The following ORC1 variants were observed in gnomAD, a reference collection of about 807,000 sequenced individuals.
ORC1 encodes origin recognition complex, subunit 1 homolog.
ORC1 carries 61 observed loss-of-function variants against 98.9 expected under a neutral mutation model. That is an observed-to-expected ratio of 0.62 (90% CI 0.50 to 0.76). The LOEUF (loss-of-function observed/expected upper bound fraction) is 0.76, where lower values mean the gene tolerates loss of function less well. ORC1 is among the 30% of genes least tolerant of loss of function. The pLI, the probability that ORC1 is intolerant of heterozygous loss-of-function variation, is 0.00. For synonymous variants in ORC1, 385 were observed against 406.9 expected, an observed-to-expected ratio of 0.95 and a Z score of 0.65; for missense variants, 979 against 1,072.2, an observed-to-expected ratio of 0.91 and a Z score of 1.21.
intron 13 of ORC1, among the ~76,000 whole-genome samples, chr1:52,383,047 A>G: frequency 6.6e-6 from 1 of 151,844 alleles, no homozygotes; most frequent in East Asian, 1.9e-4. Context: ...TAACATCCCA[A>G]TTTATTTTAG....
chr1:52,373,673 A>G (rs1295431566), intron 16 of ORC1, among the ~76,000 whole-genome samples: 1 of 152,246 alleles, frequency 6.6e-6, no homozygotes, highest in Non-Finnish European at 1.5e-5. Context: ...TACACTGTAC[A>G]TCCCTTGTGA....
At position 52,398,412 on chromosome 1, in the gene ORC1, T is replaced by C. The variant is rs1432589556; in HGVS notation, c.224-549A>G. On this transcript the variant is annotated intron_variant, in intron 3 of 16. Transcript: ENST00000371568. ...CCGAGTAGCTGGGACCACAGGCCTG[T>C]GCCACCACGCCTGGCTAATTTTTAT... 2.6e-5 allele frequency among the ~76,000 whole-genome samples: 4 copies of C among 151,340 alleles called. No individual in the cohort carries two copies. In the East Asian group the frequency reaches 7.8e-4, roughly 29 times the overall value.
upstream of ORC1, chr1:52,404,608 C>A: frequency 3.6e-6 from 3 of 825,154 alleles, no homozygotes; most frequent in Non-Finnish European, 5.6e-6. Flanking sequence ...CTTTACACTA[C>A]GGTGTTTCCG....
intron 13 of ORC1, among the ~76,000 whole-genome samples, chr1:52,382,080 G>A (rs1430380660): frequency 2.6e-5 from 4 of 152,020 alleles, no homozygotes; most frequent in South Asian, 2.1e-4. Context: ...CTGGGTTCAC[G>A]TCATTCTCCT....
rs1385792341 is a variant in ORC1 at position 52,402,207 on chromosome 1, G to A, written c.17C>T (p.Thr6Ile). 1 of 1,614,026 alleles carries A rather than the reference G, an allele frequency of 6.2e-7. No homozygotes were observed. The highest frequency in any genetic ancestry group is 8.5e-7 in the Non-Finnish European group (1 of 1,179,990). MAHYP[T>I]RLKTRKTYSW... ...ATAAGTTTTTCTGGTCTTCAGCCTT[G>A]TGGGGTAGTGTGCCATGGCTTCTGT... Residue 6 changes from threonine (T) to isoleucine (I), a missense_variant, in exon 2 of 17, where the codon ACA becomes ATA. Thr to Ile is a moderately conservative substitution (Grantham distance 89, BLOSUM62 -1). Transcript: ENST00000371568.
At chr1:52,376,024 CA>C (rs1203183993) in intron 14 of ORC1, among the ~76,000 whole-genome samples, 1 of 152,148 alleles carries the variant, frequency 6.6e-6, no homozygotes, top group African/African-American at 2.4e-5. Flanking sequence ...CCCCTTACAG[CA>C]CGTGGTGAAT....
intron 2 of ORC1, 27 bp from the exon 3 acceptor site, chr1:52,401,516 G>A: frequency 6.2e-7 from 1 of 1,613,220 alleles, no homozygotes; most frequent in Non-Finnish European, 8.5e-7. Flanking sequence ...AAGCACATTA[G>A]GAAATAACTT....
chr1:52,402,577 A>G (rs1273706556), intron 1 of ORC1, among the ~76,000 whole-genome samples: 2 of 152,264 alleles, frequency 1.3e-5, no homozygotes, highest in Non-Finnish European at 2.9e-5. Context: ...TGAAATTAAA[A>G]GACAGTGATA....
upstream of ORC1, among the ~76,000 whole-genome samples, chr1:52,406,998 T>C (rs1271450913): frequency 3.3e-5 from 5 of 152,228 alleles, no homozygotes; most frequent in East Asian, 3.9e-4. Flanking sequence ...TAGTTAGATA[T>C]AGGAAAAAGG....
intron 14 of ORC1, among the ~76,000 whole-genome samples, chr1:52,377,716 A>C (rs966468307): frequency 2.0e-5 from 3 of 151,624 alleles, no homozygotes; most frequent in African/African-American, 7.3e-5. Flanking sequence ...AAAAAAAAAA[A>C]AAAAAAAACA....
At chr1:52,397,485 T>C (rs996689751) in intron 4 of ORC1, among the ~76,000 whole-genome samples, 200 bp downstream of exon 4, 5 of 152,194 alleles carry the variant, frequency 3.3e-5, no homozygotes, top group African/African-American at 1.2e-4. Flanking sequence ...TGTCACCTCT[T>C]GTAGGAGGCT....
chr1:52,405,893 A>T, upstream of ORC1: 1 of 1,529,650 alleles, frequency 6.5e-7, no homozygotes, highest in Non-Finnish European at 9.0e-7. Context: ...GCGGTTTAGA[A>T]TTGGGCTTTG....
intron 11 of ORC1, 112 bp downstream of exon 11, chr1:52,384,438 A>G: frequency 1.0e-6 from 1 of 969,810 alleles, no homozygotes; most frequent in South Asian, 1.3e-5. Flanking sequence ...CAGAAAGGAC[A>G]ATGCCTGGTA....
Position 52,396,132 on chromosome 1 carries a change from A to C in ORC1, c.635T>G (p.Ile212Ser). 3.1e-6 allele frequency: 5 copies of C among 1,613,962 alleles called. No homozygotes were observed. The highest frequency in any genetic ancestry group is 3.4e-6 in the Non-Finnish European group (4 of 1,180,004). ...TTTGGAGGCGGAGTGCCTTGATTCAATCCTTTTGGCCACATGTTCTGCTGG... is the reference window on the plus strand; with the variant it reads ...TTTGGAGGCGGAGTGCCTTGATTCACTCCTTTTGGCCACATGTTCTGCTGG... ...WTPAEHVAKR[I>S]ESRHSASKSR... is the part of the protein sequence containing the mutation. Residue 212 changes from isoleucine (I) to serine (S), a missense_variant, in exon 5 of 17, where the codon ATT (isoleucine) becomes AGT (serine). Ile to Ser is a moderately radical substitution (Grantham distance 142). Coordinates refer to ENST00000371568, the MANE Select transcript of ORC1 (RefSeq NM_004153.4).
At chr1:52,378,207 G>A (rs1249834745) in intron 14 of ORC1, among the ~76,000 whole-genome samples, 1 of 152,018 alleles carries the variant, frequency 6.6e-6, no homozygotes. Flanking sequence ...TTAGCTGGGC[G>A]TGGTGGCACA....
At position 52,373,020 on chromosome 1, in the gene ORC1, C is replaced by T; in HGVS notation, c.*161G>A. The T allele has an allele frequency of 1.3e-6, 1 of 775,762 alleles. No homozygotes were observed. Among genetic ancestry groups the T allele is most frequent in the Non-Finnish European group, 2.3e-6 (1 of 440,358 alleles). 48.1% of individuals were successfully genotyped at this position (775,762 alleles called of 1,614,324 possible). A position where few individuals can be genotyped will look rare whatever the true frequency, so the allele number is the denominator to read the frequency against. ...GGTGGCATGTGCCTGTAGTTTCAGC[C>T]ACCTGGGAGGATGAGGTTGGGGGGT... On this transcript the variant is annotated 3_prime_UTR_variant, in exon 17 of 17. Transcript: ENST00000371568.
At chr1:52,387,519 G>A (rs1007747728) in intron 8 of ORC1, among the ~76,000 whole-genome samples, 5 of 152,096 alleles carry the variant, frequency 3.3e-5, no homozygotes, top group Non-Finnish European at 7.4e-5. Context: ...GTGCTATGGT[G>A]CGATCTCAGC....
chr1:52,409,002 A>G, upstream of ORC1: 1 of 224,430 alleles, frequency 4.5e-6, no homozygotes, highest in Admixed American at 5.1e-5. Context: ...TGGCTTCTCC[A>G]TAAAAACCTT....
At position 52,385,846 on chromosome 1, in the gene ORC1, C is replaced by G. The variant is rs1249201101; in HGVS notation, c.1481+6G>C. On this transcript the variant is annotated splice_donor_region_variant and intron_variant, in intron 9 of 16. Coordinates refer to ENST00000371568, the MANE Select transcript of ORC1 (RefSeq NM_004153.4). ...CTCTCTGAAGGGGAATCAACAGCAG[C>G]AGTACCTCAGTCGGGCTTCCTCCAG... 2.5e-6 allele frequency: 4 copies of G among 1,603,806 alleles called. No individual in the cohort carries two copies. Among genetic ancestry groups the G allele is most frequent in the African/African-American group, 2.7e-5 (2 of 74,738 alleles).
Sources: allele counts gnomAD v4.1 joint callset (sites outside exome capture counted in the v4.1 genomes callset), GRCh38; gene constraint gnomAD v4.1.1; transcripts MANE v1.5; gene names NCBI Gene and HGNC (gene_info 2026-07-23, HGNC 2026-07-21).